SGCZ: variants seen among roughly 807,000 people sequenced by gnomAD.
SGCZ encodes the protein zeta-sarcoglycan.
A neutral mutation model predicts 41.3 loss-of-function variants in SGCZ; 40 were observed. The ratio of observed to expected loss-of-function variants is 0.97; its 90% CI spans 0.75 to 1.26. The LOEUF (loss-of-function observed/expected upper bound fraction) is 1.26. Ranked by LOEUF, SGCZ falls within the 50% of genes most tolerant of loss-of-function variation. The pLI is 0.00. For missense variants in SGCZ, 552 were observed against 369.8 expected, an observed-to-expected ratio of 1.49 and a Z score of -4.04; for synonymous variants, 206 against 137.5, an observed-to-expected ratio of 1.50 and a Z score of -3.49.
intron 2 of SGCZ, among the ~76,000 whole-genome samples, chr8:14,353,164 A>T (rs914708674): frequency 6.8e-6 from 1 of 147,850 alleles, no homozygotes; most frequent in African/African-American, 2.7e-5. Context: ...CTTCATTTGC[A>T]AAATACCATC....
chr8:15,180,666 A>C (rs1800145797), intron 1 of SGCZ, among the ~76,000 whole-genome samples: 1 of 152,186 alleles, frequency 6.6e-6, no homozygotes, highest in East Asian at 1.9e-4. Flanking sequence ...CAGGCGGATC[A>C]TGAGGTCAAG....
chr8:14,762,406 C>T (rs770456541), intron 1 of SGCZ, among the ~76,000 whole-genome samples: 1 of 152,134 alleles, frequency 6.6e-6, no homozygotes, highest in Non-Finnish European at 1.5e-5. Context: ...CACTAAGCCT[C>T]AGCTTCCTCA....
chr8:14,295,308 C>A (rs1800971738), intron 3 of SGCZ, among the ~76,000 whole-genome samples: 1 of 152,144 alleles, frequency 6.6e-6, no homozygotes, highest in South Asian at 2.1e-4. Context: ...TCAGAACTCA[C>A]TGTAGTAGCT....
chr8:14,469,929 A>G (rs1394876912), intron 2 of SGCZ, among the ~76,000 whole-genome samples: 1 of 152,126 alleles, frequency 6.6e-6, no homozygotes, highest in Non-Finnish European at 1.5e-5. Context: ...CTTTATAATA[A>G]ACCAGTAAAT....
intron 1 of SGCZ, among the ~76,000 whole-genome samples, chr8:14,616,724 T>G (rs1806118017): frequency 6.6e-6 from 1 of 152,134 alleles, no homozygotes; most frequent in African/African-American, 2.4e-5. Context: ...AGACTAGATA[T>G]AACCAGATCC....
chr8:14,336,240 A>T (rs938422306), intron 2 of SGCZ, among the ~76,000 whole-genome samples: 1 of 152,178 alleles, frequency 6.6e-6, no homozygotes. Flanking sequence ...TGCAAAGGAC[A>T]TGATATCATT....
chr8:14,145,370 C>A (rs956740644), intron 5 of SGCZ, among the ~76,000 whole-genome samples: 1 of 152,172 alleles, frequency 6.6e-6, no homozygotes, highest in African/African-American at 2.4e-5. Flanking sequence ...GCAGGAACCA[C>A]TGCATTTACT....
chr8:15,051,472 C>A (rs1175922410), intron 1 of SGCZ, among the ~76,000 whole-genome samples: 1 of 151,708 alleles, frequency 6.6e-6, no homozygotes, highest in Non-Finnish European at 1.5e-5. Context: ...ATGCTGTGAG[C>A]TTTTCTCATA....
At chr8:14,896,013 G>T (rs1466995945) in intron 1 of SGCZ, among the ~76,000 whole-genome samples, 1 of 152,128 alleles carries the variant, frequency 6.6e-6, no homozygotes, top group Non-Finnish European at 1.5e-5. Flanking sequence ...CATTCCCTCA[G>T]TCCAATCTCT....
At chr8:15,218,781 T>C (rs764787882) in intron 1 of SGCZ, among the ~76,000 whole-genome samples, 1 of 152,232 alleles carries the variant, frequency 6.6e-6, no homozygotes, top group African/African-American at 2.4e-5. Context: ...TTGATGACTG[T>C]ACCCACATAA....
At chr8:14,157,341 TGTGTGTGTGTGTGTGTGTGTGTGA>T (rs1313827799) in intron 5 of SGCZ, among the ~76,000 whole-genome samples, 7 of 63,446 alleles carry the variant, frequency 1.1e-4, no homozygotes, top group African/African-American at 1.9e-4. Context: ...TGCCTCTGTG[TGTGTGTGTGTGTGTGTGTGTGTGA>T]GTGTGTGTGT....
intron 1 of SGCZ, among the ~76,000 whole-genome samples, chr8:15,186,879 T>G (rs1224225410): frequency 6.6e-6 from 1 of 152,182 alleles, no homozygotes; most frequent in East Asian, 1.9e-4. Context: ...AAGCAGATCT[T>G]ATTGGCTTTA....
chr8:14,215,169 T>C (rs1039547293), intron 4 of SGCZ, among the ~76,000 whole-genome samples: 2 of 152,174 alleles, frequency 1.3e-5, no homozygotes, highest in African/African-American at 4.8e-5. Flanking sequence ...AATATGTTTC[T>C]TGACTATACT....
intron 1 of SGCZ, among the ~76,000 whole-genome samples, chr8:14,723,718 C>T (rs900913784): frequency 1.3e-5 from 2 of 151,870 alleles, no homozygotes; most frequent in African/African-American, 4.8e-5. Flanking sequence ...ATACATATGT[C>T]TATATAGTGC....
Position 14,619,967 on chromosome 8 carries a change from G to A in SGCZ, c.40-65041C>T, listed in dbSNP as rs1473466848. The stretch of plus-strand genomic sequence containing the variant: ...TAAAGTTCATATGGAACCAAAAAAG[G>A]GCCCGCATTGCCAAGACAATCCTAA... On this transcript the variant is annotated intron_variant, in intron 1 of 7. Coordinates refer to ENST00000382080, the MANE Select transcript of SGCZ (RefSeq NM_139167.4). Among the ~76,000 whole-genome samples the A allele has an allele frequency of 5.9e-5, 9 of 151,960 alleles. No homozygotes were observed. The East Asian group carries it at 9.6e-4, about 16-fold the overall frequency.
At chr8:15,029,171 C>A (rs1172309900) in intron 1 of SGCZ, among the ~76,000 whole-genome samples, 3 of 151,934 alleles carry the variant, frequency 2.0e-5, no homozygotes, top group Admixed American at 1.3e-4. Context: ...AAACAGCAAG[C>A]AATACAGCAT....
chr8:14,480,470 T>C (rs1585571599), intron 2 of SGCZ, among the ~76,000 whole-genome samples: 1 of 152,278 alleles, frequency 6.6e-6, no homozygotes, highest in East Asian at 1.9e-4. Context: ...TTTCAATGTT[T>C]ACCCTTTGCT....
At chr8:15,154,099 AC>A (rs34151674) in intron 1 of SGCZ, among the ~76,000 whole-genome samples, 32,184 of 151,804 alleles carry the variant, frequency 0.21, 3,798 homozygotes, top group East Asian at 0.47. Context: ...CTCACCACTT[AC>A]CCCCTGCATG....
intron 1 of SGCZ, among the ~76,000 whole-genome samples, chr8:14,992,953 C>G (rs1160566471): frequency 1.3e-5 from 2 of 149,874 alleles, no homozygotes; most frequent in Admixed American, 1.3e-4. Flanking sequence ...TATTTACCCC[C>G]CACCCATCCT....
Sources: gnomAD v4.1 joint callset for allele counts (sites outside exome capture counted in the v4.1 genomes callset) on GRCh38, gnomAD v4.1.1 for gene constraint, MANE v1.5 for transcripts, NCBI Gene and HGNC (gene_info 2026-07-23, HGNC 2026-07-21) for gene names.